ASTN2: variants seen among roughly 807,000 people sequenced by gnomAD.
ASTN2 encodes astrotactin 2.
Under a neutral mutation model 139.8 loss-of-function variants are expected in ASTN2, and 54 were observed. The observed-to-expected ratio is 0.39, with a 90% confidence interval of 0.31 to 0.48. The LOEUF (loss-of-function observed/expected upper bound fraction) is 0.48. ASTN2 is among the 20% of genes least tolerant of loss of function. ASTN2 has a pLI of 0.95. For missense variants in ASTN2, 1,565 were observed against 1,725.1 expected (o/e 0.91, Z 1.64); for synonymous variants, 756 against 719.5 (o/e 1.05, Z -0.81).
chr9:116,551,899 G>A lies in ASTN2; in HGVS notation c.3356-64399C>T, dbSNP rs143562893. Among the ~76,000 whole-genome samples the A allele has an allele frequency of 5.6e-3, 852 of 152,304 alleles. 9 individuals carry two copies. Among genetic ancestry groups the A allele is most frequent in the African/African-American group, 0.014 (595 of 41,558 alleles). ...GAAATAGGAAGAACTGTGAAGAATT[G>A]TAGGGGAGGTAGAGAAAAGGAAAAT... On this transcript the variant is annotated intron_variant, in intron 19 of 22. Transcript: ENST00000313400.
intron 16 of ASTN2, among the ~76,000 whole-genome samples, chr9:116,718,588 T>C (rs190100959): frequency 6.6e-6 from 1 of 152,276 alleles, no homozygotes; most frequent in East Asian, 1.9e-4. Context: ...TTTGAATTGG[T>C]AGACTGACTA....
chr9:116,874,727 T>A (rs1833252202), intron 10 of ASTN2, among the ~76,000 whole-genome samples: 1 of 152,212 alleles, frequency 6.6e-6, no homozygotes, highest in Non-Finnish European at 1.5e-5. Context: ...AGGTTGGGTA[T>A]AGACACAGCC....
At chr9:117,211,200 T>C (rs1379957546) in intron 3 of ASTN2, among the ~76,000 whole-genome samples, 2 of 152,080 alleles carry the variant, frequency 1.3e-5, no homozygotes, top group Non-Finnish European at 2.9e-5. Flanking sequence ...CAGAAAGAAA[T>C]GACAAACATC....
At chr9:117,301,445 T>C (rs951315499) in intron 1 of ASTN2, among the ~76,000 whole-genome samples, 3 of 152,160 alleles carry the variant, frequency 2.0e-5, no homozygotes, top group African/African-American at 4.8e-5. Flanking sequence ...TTAGCCCTCA[T>C]AGGAAACCCA....
Position 116,701,114 on chromosome 9 carries a change from T to TAATA in ASTN2, c.2806+24653_2806+24656dup, listed in dbSNP as rs758130716. ...TCCTGAGGGTTTGGTGTTTACTAAG[T>TAATA]AATATATCTTACTCTAGGTGCAGGG... On this transcript the variant is annotated intron_variant, in intron 16 of 22. Transcript: ENST00000313400. 46 of 167,220 alleles carry TAATA rather than the reference T, an allele frequency of 2.8e-4. No homozygotes were observed. Among genetic ancestry groups the TAATA allele is most frequent in the Non-Finnish European group, 5.7e-4 (39 of 68,120 alleles). The allele number at this position is 167,220 out of a possible 1,614,324, so 10.4% of individuals were successfully genotyped here.
intron 10 of ASTN2, among the ~76,000 whole-genome samples, chr9:116,917,905 A>G (rs1202680637): frequency 6.6e-6 from 1 of 152,142 alleles, no homozygotes; most frequent in East Asian, 1.9e-4. Flanking sequence ...CTGAACTTGA[A>G]TTGTATCTCC....
At chr9:116,697,246 G>A (rs1485461289) in intron 16 of ASTN2, 1 of 161,720 alleles carries the variant, frequency 6.2e-6, no homozygotes, top group Non-Finnish European at 1.4e-5. Flanking sequence ...ATAATCATTA[G>A]CTCATTAGCA....
intron 16 of ASTN2, among the ~76,000 whole-genome samples, chr9:116,688,048 A>G (rs997231474): frequency 6.6e-6 from 1 of 152,012 alleles, no homozygotes; most frequent in Non-Finnish European, 1.5e-5. Flanking sequence ...ACAGTGCCCG[A>G]TGGAATGCAG....
At chr9:116,773,516 G>A (rs1380575833) in intron 13 of ASTN2, among the ~76,000 whole-genome samples, 1 of 152,124 alleles carries the variant, frequency 6.6e-6, no homozygotes, top group African/African-American at 2.4e-5. Context: ...TCCTTCATAA[G>A]GGAGAACCTC....
intron 11 of ASTN2, among the ~76,000 whole-genome samples, chr9:116,833,585 T>A (rs1831887267): frequency 1.3e-5 from 2 of 152,208 alleles, no homozygotes; most frequent in African/African-American, 4.8e-5. Flanking sequence ...GAATCATGAC[T>A]TCAGCTGTGT....
intron 16 of ASTN2, among the ~76,000 whole-genome samples, chr9:116,678,083 T>G (rs895332605): frequency 6.6e-6 from 1 of 152,240 alleles, no homozygotes; most frequent in Non-Finnish European, 1.5e-5. Flanking sequence ...CAGTAATCTT[T>G]TGGAAATAAA....
intron 16 of ASTN2, among the ~76,000 whole-genome samples, chr9:116,712,862 G>T (rs1404408968): frequency 1.3e-5 from 2 of 152,118 alleles, no homozygotes; most frequent in African/African-American, 4.8e-5. Flanking sequence ...ATGTGACCTT[G>T]AGCAAGTGAG....
At chr9:117,013,701 T>G (rs1322517879) in intron 6 of ASTN2, among the ~76,000 whole-genome samples, 1 of 151,930 alleles carries the variant, frequency 6.6e-6, no homozygotes, top group Non-Finnish European at 1.5e-5. Flanking sequence ...AGGGGTGAGC[T>G]GGGGAGCTCA....
chr9:116,488,215 TAAG>T (rs764664806), intron 19 of ASTN2, among the ~76,000 whole-genome samples: 2 of 152,206 alleles, frequency 1.3e-5, no homozygotes, highest in Non-Finnish European at 2.9e-5. Context: ...CATTGGATTT[TAAG>T]AAGTAGTGGA....
chr9:117,020,341 C>CT (rs138914234), intron 6 of ASTN2, among the ~76,000 whole-genome samples: 1,748 of 143,152 alleles, frequency 0.012, 14 homozygotes, highest in Non-Finnish European at 0.02. Context: ...TGAAAAATTG[C>CT]TTTTTTTTTT....
rs1030315037 is a variant in ASTN2 at position 116,652,884 on chromosome 9, C to T, written c.2807-1091G>A. Among the ~76,000 whole-genome samples, 19 of 152,254 alleles carry T rather than the reference C, an allele frequency of 1.2e-4. 1 individual carries two copies. The highest frequency in any genetic ancestry group is 3.9e-4 in the African/African-American group (16 of 41,546). ...TGATCTATAAACCAGTATTTTCCAC[C>T]TCTGTGCCTTTGCTCACTCTGTGCT... On this transcript the variant is annotated intron_variant, in intron 16 of 22. Transcript: ENST00000313400.
chr9:117,070,683 A>G (rs1828092701), intron 5 of ASTN2, among the ~76,000 whole-genome samples: 1 of 145,780 alleles, frequency 6.9e-6, no homozygotes, highest in Admixed American at 6.8e-5. Flanking sequence ...ACATAGTCCC[A>G]TATTTCTTGG....
chr9:117,111,530 G>A (rs573879695), intron 4 of ASTN2, among the ~76,000 whole-genome samples: 5 of 151,736 alleles, frequency 3.3e-5, no homozygotes, highest in African/African-American at 2.4e-5. Context: ...TCTGAGAAAC[G>A]AAGTAAGAAA....
chr9:116,471,450 C>T (rs970121566), intron 20 of ASTN2, among the ~76,000 whole-genome samples: 1 of 152,200 alleles, frequency 6.6e-6, no homozygotes, highest in Non-Finnish European at 1.5e-5. Context: ...CCCCTTCAGG[C>T]TGGCCTCACA....
Sources: allele counts gnomAD v4.1 joint callset (sites outside exome capture counted in the v4.1 genomes callset), GRCh38; gene constraint gnomAD v4.1.1; transcripts MANE v1.5; gene names NCBI Gene and HGNC (gene_info 2026-07-23, HGNC 2026-07-21).